NRK: variants seen among roughly 807,000 people sequenced by gnomAD.
NRK encodes the protein Nik related kinase, also known as nik-related protein kinase.
NRK carries 67 observed loss-of-function variants against 125.2 expected under a neutral mutation model. The observed-to-expected ratio is 0.54, with a 90% confidence interval of 0.44 to 0.66. The LOEUF (loss-of-function observed/expected upper bound fraction) is 0.66, where lower values mean the gene tolerates loss of function less well. NRK is among the 30% of genes least tolerant of loss of function. NRK has a pLI of 0.00. For missense variants in NRK, 1,224 were observed against 1,192.9 expected (o/e 1.03, Z -0.38); for synonymous variants, 458 against 429.0 (o/e 1.07, Z -0.84).
At position 105,935,340 on chromosome X, in the gene NRK, T is replaced by C. The variant is rs773447073; in HGVS notation, c.3655+15T>C. 8.9e-7 allele frequency: 1 copy of C among 1,127,904 alleles called. No homozygotes were observed. Among genetic ancestry groups the C allele is most frequent in the Admixed American group, 2.5e-5 (1 of 40,647 alleles). 93.0% of individuals were successfully genotyped at this position (1,127,904 alleles called of 1,213,427 possible). ...TTCTTTGTGGGGTGAGTTTGTTTTG[T>C]TTTCTTAAAGAATATATTTTTATGT... On this transcript the variant is annotated intron_variant, in intron 21 of 28. Transcript: ENST00000243300.
At position 105,934,427 on chromosome X, in the gene NRK, A is replaced by T. The variant is rs776036206; in HGVS notation, c.3482A>T (p.Asn1161Ile). Reference protein sequence around the residue: ...SKGSGMSADANFASAILYAGF... With the variant: ...SKGSGMSADAIFASAILYAGF... ...GGTTCTGGGATGTCTGCTGATGCTA[A>T]CTTTGCCAGTGCCATCTGTGAGTGT... Residue 1161 changes from asparagine to isoleucine, a missense_variant, in exon 20 of 29, where the codon AAC becomes ATC. Asn to Ile is a moderately radical substitution (Grantham distance 149). Transcript: ENST00000243300. The T allele has an allele frequency of 8.4e-7, 1 of 1,190,734 alleles. No individual in the cohort carries two copies. Among genetic ancestry groups the T allele is most frequent in the Non-Finnish European group, 1.1e-6 (1 of 879,187 alleles).
intron 20 of NRK, among the ~76,000 whole-genome samples, chrX:105,934,773 T>C (rs755937889): frequency 8.9e-6 from 1 of 112,412 alleles, no homozygotes; most frequent in South Asian, 3.7e-4. Flanking sequence ...AAACTATACT[T>C]CCAGTAAAAA....
chrX:105,845,837 C>T (rs923871024), intron 2 of NRK, among the ~76,000 whole-genome samples: 1 of 111,648 alleles, frequency 9.0e-6, no homozygotes, highest in Non-Finnish European at 1.9e-5. Context: ...GCTTTCAGAG[C>T]TTCATAGGAA....
chrX:105,939,187 A>G (rs2040704735), intron 22 of NRK, among the ~76,000 whole-genome samples: 1 of 111,463 alleles, frequency 9.0e-6, no homozygotes, highest in African/African-American at 3.3e-5. Context: ...TAAGAATCCT[A>G]TTGTTGGGCC....
chrX:105,911,872 A>G (rs2147752290), intron 13 of NRK, among the ~76,000 whole-genome samples: 1 of 112,078 alleles, frequency 8.9e-6, no homozygotes, highest in African/African-American at 3.2e-5. Context: ...TTAAACATAT[A>G]TGTGGAAAGC....
chrX:105,932,640 A>G (rs1239628604), intron 19 of NRK, among the ~76,000 whole-genome samples: 1 of 111,645 alleles, frequency 9.0e-6, no homozygotes, highest in Non-Finnish European at 1.9e-5. Context: ...GACAGAAAAA[A>G]GATTATGCCA....
At chrX:105,888,791 G>A (rs1313568516) in intron 5 of NRK, among the ~76,000 whole-genome samples, 2 of 110,867 alleles carry the variant, frequency 1.8e-5, no homozygotes, top group Non-Finnish European at 3.8e-5. Flanking sequence ...ATCAGATCTC[G>A]TGAACTTATT....
In NRK at chrX:105,905,321, C is replaced by T; in HGVS notation, c.823C>T (p.Pro275Ser). ...CTTCGTTATTTTGCGGGAATCTGCTCCCACAGTCAAATCCAGCGGATGGTA... is the reference window on the plus strand; with the variant it reads ...CTTCGTTATTTTGCGGGAATCTGCTTCCACAGTCAAATCCAGCGGATGGTA... Reference protein sequence around the residue: ...ALFVILRESAPTVKSSGWSRK... With the variant: ...ALFVILRESASTVKSSGWSRK... The change falls in exon 10 of 29, where the codon CCC (proline) becomes TCC (serine). Residue 275 changes from proline to serine, a missense_variant. Coordinates refer to ENST00000243300, the MANE Select transcript of NRK (RefSeq NM_198465.4). 8.3e-7 allele frequency: 1 copy of T among 1,199,669 alleles called. No individual in the cohort carries two copies. The highest frequency in any genetic ancestry group is 1.1e-6 in the Non-Finnish European group (1 of 885,403).
intron 1 of NRK, among the ~76,000 whole-genome samples, chrX:105,826,071 T>C (rs991400501): frequency 3.4e-4 from 33 of 98,154 alleles, no homozygotes; most frequent in African/African-American, 9.6e-4. Context: ...TATATATATA[T>C]ACACATACAC....
Position 105,908,283 on chromosome X carries a change from G to T in NRK, c.1065G>T (p.Gln355His). ...AAAGAGAAGAAGCTATTAAGGAACA[G>T]TACACCGTGAGAAGATTCAGGTGCG... ...IFEREEAIKE[Q>H]YTVRRFRGPS... Residue 355 changes from glutamine (Q) to histidine (H), a missense_variant, in exon 12 of 29, where the codon CAG (glutamine) becomes CAT (histidine). Coordinates refer to ENST00000243300, the MANE Select transcript of NRK (RefSeq NM_198465.4). The T allele has an allele frequency of 9.3e-7, 1 of 1,080,168 alleles. No homozygotes were observed. Among genetic ancestry groups the T allele is most frequent in the African/African-American group, 1.9e-5 (1 of 53,074 alleles). 89.0% of individuals were successfully genotyped at this position (1,080,168 alleles called of 1,213,427 possible).
At chrX:105,899,325 T>C (rs1166912224) in intron 8 of NRK, among the ~76,000 whole-genome samples, 1 of 112,216 alleles carries the variant, frequency 8.9e-6, no homozygotes, top group Non-Finnish European at 1.9e-5. Flanking sequence ...CTGCATTTGC[T>C]ATAGACTGGA....
intron 2 of NRK, among the ~76,000 whole-genome samples, chrX:105,867,912 A>G (rs1351452539): frequency 8.9e-6 from 1 of 111,834 alleles, no homozygotes; most frequent in Non-Finnish European, 1.9e-5. Flanking sequence ...AACATTTTCA[A>G]TAGGAAAATC....
intron 2 of NRK, among the ~76,000 whole-genome samples, chrX:105,859,674 A>G (rs138189942): frequency 8.9e-6 from 1 of 112,179 alleles, no homozygotes; most frequent in African/African-American, 3.2e-5. Context: ...TATTAATACA[A>G]TGCTTTTGGA....
intron 13 of NRK, 91 bp from the exon 14 acceptor site, chrX:105,912,557 A>G: frequency 3.1e-6 from 1 of 323,383 alleles, no homozygotes; most frequent in East Asian, 6.1e-5. Flanking sequence ...TATAATACAT[A>G]TAAACAATTC....
At position 105,936,236 on chromosome X, in the gene NRK, A is replaced by G. The variant is rs369703388; in HGVS notation, c.3655+911A>G. Among the ~76,000 whole-genome samples, 5 of 111,838 alleles carry G rather than the reference A, an allele frequency of 4.5e-5. No individual in the cohort carries two copies. In the East Asian group the frequency reaches 8.4e-4, roughly 19 times the overall value. On this transcript the variant is annotated intron_variant, in intron 21 of 28. Coordinates refer to ENST00000243300, the MANE Select transcript of NRK (RefSeq NM_198465.4). ...TTTAAATTAAAAATAGAAAAGGGTA[A>G]CAAACATTGTAATTATGTGGATTAA... is the stretch of plus-strand genomic sequence containing the variant.
intron 5 of NRK, among the ~76,000 whole-genome samples, chrX:105,890,310 C>T (rs1050304098): frequency 3.0e-4 from 34 of 111,751 alleles, no homozygotes; most frequent in African/African-American, 1.1e-3. Context: ...GGTCATTCAA[C>T]AAGTTTCTAG....
In NRK at chrX:105,909,686, G is replaced by A. The variant is rs369190820; in HGVS notation, c.2045G>A (p.Arg682Gln). The A allele has an allele frequency of 4.0e-5, 48 of 1,186,259 alleles. No individual in the cohort carries two copies. The highest frequency in any genetic ancestry group is 3.2e-4 in the African/African-American group (18 of 56,459). Residue 682 changes from arginine (R) to glutamine (Q), a missense_variant, in exon 13 of 29, where the codon CGG becomes CAG. Transcript: ENST00000243300. Reference protein sequence around the residue: ...NRFYSQPEQAREKKSKVSTLR... With the variant: ...NRFYSQPEQAQEKKSKVSTLR... ...TTTTACTCACAACCAGAACAGGCACGGGAGAAAAAATCAAAAGTTTCTACT... is the reference window on the plus strand; with the variant it reads ...TTTTACTCACAACCAGAACAGGCACAGGAGAAAAAATCAAAAGTTTCTACT...
At position 105,898,712 on chromosome X, in the gene NRK, AGAGT is replaced by A. The variant is rs1201159961; in HGVS notation, c.711+4_711+7del. 1 of 1,158,886 alleles carries A rather than the reference AGAGT, an allele frequency of 8.6e-7. No individual in the cohort carries two copies. On this transcript the variant is annotated splice_donor_variant and coding_sequence_variant, in exon 8 of 29. Transcript: ENST00000243300. LOFTEE classifies it high-confidence loss of function. The stretch of plus-strand genomic sequence containing the variant: ...GGACCCAAGACGCTCCTATGATTAC[AGAGT>A]GAGTGTGAGAATTCAGCCAGTGGAA...
At chrX:105,861,335 A>G (rs2039599562) in intron 2 of NRK, among the ~76,000 whole-genome samples, 2 of 112,310 alleles carry the variant, frequency 1.8e-5, no homozygotes, top group Admixed American at 1.9e-4. Context: ...TGATTTAAAA[A>G]TATTTTCTCC....
Sources: gnomAD v4.1 joint callset for allele counts (sites outside exome capture counted in the v4.1 genomes callset) on GRCh38, gnomAD v4.1.1 for gene constraint, MANE v1.5 for transcripts, NCBI Gene and HGNC (gene_info 2026-07-23, HGNC 2026-07-21) for gene names.